ZDHHC17: variants seen among roughly 807,000 people sequenced by gnomAD.
The protein encoded by ZDHHC17 is zDHHC palmitoyltransferase 17.
Under a neutral mutation model 90.3 loss-of-function variants are expected in ZDHHC17, and 40 were observed. That is an observed-to-expected ratio of 0.44 (90% CI 0.34 to 0.58). The LOEUF (loss-of-function observed/expected upper bound fraction) is 0.58. ZDHHC17 is among the 20% of genes least tolerant of loss of function. The pLI, the probability that ZDHHC17 is intolerant of heterozygous loss-of-function variation, is 0.01. For missense variants in ZDHHC17, 614 were observed against 780.8 expected, an observed-to-expected ratio of 0.79 and a Z score of 2.55; for synonymous variants, 235 against 252.4, an observed-to-expected ratio of 0.93 and a Z score of 0.65.
intron 10 of ZDHHC17, among the ~76,000 whole-genome samples, chr12:76,834,919 CTTAAA>C (rs1249997623): frequency 2.0e-5 from 3 of 152,068 alleles, no homozygotes; most frequent in Non-Finnish European, 2.9e-5. Flanking sequence ...TAGTTTTGTT[CTTAAA>C]TTATATTGGA....
intron 1 of ZDHHC17, chr12:76,769,033 A>G (rs1316989020): frequency 2.4e-6 from 1 of 410,000 alleles, no homozygotes; most frequent in Non-Finnish European, 5.0e-6. Context: ...CACAGATTTC[A>G]TAAAATCTAC....
At chr12:76,788,297 A>G (rs570223590) in intron 1 of ZDHHC17, among the ~76,000 whole-genome samples, 1 of 152,332 alleles carries the variant, frequency 6.6e-6, no homozygotes, top group East Asian at 1.9e-4. Context: ...CACATGGTCA[A>G]TCACTTGGAC....
At chr12:76,817,587 G>A (rs555787389) in intron 7 of ZDHHC17, among the ~76,000 whole-genome samples, 1 of 152,068 alleles carries the variant, frequency 6.6e-6, no homozygotes, top group East Asian at 1.9e-4. Context: ...TATTTTTAGA[G>A]CTTTTAAAAG....
chr12:76,797,107 G>A (rs1424607824), intron 1 of ZDHHC17, among the ~76,000 whole-genome samples: 3 of 151,710 alleles, frequency 2.0e-5, no homozygotes, highest in East Asian at 1.9e-4. Context: ...AGCTAAAAAT[G>A]CAAAAAATTA....
intron 7 of ZDHHC17, among the ~76,000 whole-genome samples, chr12:76,821,667 A>G (rs938179860): frequency 6.6e-5 from 10 of 152,170 alleles, no homozygotes; most frequent in African/African-American, 2.4e-4. Flanking sequence ...GTGTCTGACT[A>G]ATTTGCAAAA....
chr12:76,828,560 T>C, intron 10 of ZDHHC17, 70 bp downstream of exon 10: 2 of 1,393,316 alleles, frequency 1.4e-6, no homozygotes, highest in Non-Finnish European at 2.0e-6. Flanking sequence ...GTTTAATAAT[T>C]TGACATTAGG....
At chr12:76,776,906 C>G (rs984258835) in intron 1 of ZDHHC17, among the ~76,000 whole-genome samples, 3 of 152,122 alleles carry the variant, frequency 2.0e-5, no homozygotes, top group African/African-American at 7.2e-5. Context: ...ATAAATTGTG[C>G]ACATTTTAAA....
intron 1 of ZDHHC17, among the ~76,000 whole-genome samples, chr12:76,797,147 T>C (rs1952829524): frequency 1.3e-5 from 2 of 151,836 alleles, no homozygotes; most frequent in Non-Finnish European, 2.9e-5. Context: ...GCCTATAGTC[T>C]CAGCTACTCA....
At position 76,822,584 on chromosome 12, in the gene ZDHHC17, C is replaced by A. The variant is rs181740492; in HGVS notation, c.897+53C>A. 27 of 1,392,054 alleles carry A rather than the reference C, an allele frequency of 1.9e-5. No individual in the cohort carries two copies. In the Admixed American group the frequency reaches 5.6e-4, roughly 29 times the overall value. The allele number at this position is 1,392,054 out of a possible 1,614,324, so 86.2% of individuals were successfully genotyped here. A position where few individuals can be genotyped will look rare whatever the true frequency, so the allele number is the denominator to read the frequency against. Reference sequence around the variant, plus strand: ...TTTTTTTTTTTTTGAGACGGAGTTTCGCTCTTGTTGCCCAGGCTGGAGTGC... The same window carrying A: ...TTTTTTTTTTTTTGAGACGGAGTTTAGCTCTTGTTGCCCAGGCTGGAGTGC... On this transcript the variant is annotated intron_variant, in intron 8 of 16. Coordinates refer to ENST00000426126, the MANE Select transcript of ZDHHC17 (RefSeq NM_015336.4).
Position 76,764,186 on chromosome 12 carries a change from T to A in ZDHHC17, c.-51T>A. On this transcript the variant is annotated 5_prime_UTR_variant, in exon 1 of 17. Transcript: ENST00000426126. ...GGCGGGGCTCGCGCTCGCCCCGCGC[T>A]CGCCCTCCGCCTCGCCCGAGCCCCG... 8.0e-7 allele frequency: 1 copy of A among 1,252,562 alleles called. No individual in the cohort carries two copies. The highest frequency in any genetic ancestry group is 1.1e-6 in the Non-Finnish European group (1 of 923,120). The allele number at this position is 1,252,562 out of a possible 1,614,324, so 77.6% of individuals were successfully genotyped here.
At chr12:76,832,214 A>G (rs1190113497) in intron 10 of ZDHHC17, among the ~76,000 whole-genome samples, 9 of 152,220 alleles carry the variant, frequency 5.9e-5, no homozygotes. Flanking sequence ...TTAGACAGGA[A>G]ATAGCCACAA....
chr12:76,798,356 C>G (rs1952848244), intron 2 of ZDHHC17, among the ~76,000 whole-genome samples: 1 of 151,996 alleles, frequency 6.6e-6, no homozygotes, highest in Non-Finnish European at 1.5e-5. Flanking sequence ...GTTGAAATAA[C>G]AACAGTTATT....
intron 1 of ZDHHC17, among the ~76,000 whole-genome samples, chr12:76,770,766 C>T (rs948480862): frequency 2.0e-5 from 3 of 151,992 alleles, no homozygotes; most frequent in East Asian, 3.9e-4. Context: ...GGAGAAACCC[C>T]GTCTCTACTA....
At chr12:76,787,880 C>A (rs138265652) in intron 1 of ZDHHC17, among the ~76,000 whole-genome samples, 1 of 152,088 alleles carries the variant, frequency 6.6e-6, no homozygotes, top group Non-Finnish European at 1.5e-5. Context: ...CATATTAGTC[C>A]GGATAAGCTA....
intron 1 of ZDHHC17, among the ~76,000 whole-genome samples, chr12:76,794,704 G>GT (rs1235785789): frequency 5.3e-5 from 8 of 152,062 alleles, no homozygotes; most frequent in African/African-American, 1.9e-4. Context: ...CTAATTTCCA[G>GT]TAACATTTTT....
chr12:76,793,681 G>C (rs1327161111), intron 1 of ZDHHC17, among the ~76,000 whole-genome samples: 1 of 152,162 alleles, frequency 6.6e-6, no homozygotes, highest in African/African-American at 2.4e-5. Flanking sequence ...GTGTACCCTA[G>C]GTAGGGGAGT....
intron 7 of ZDHHC17, 50 bp from the exon 8 acceptor site, chr12:76,822,352 AAGAT>A (rs1452653196): frequency 3.8e-6 from 6 of 1,594,312 alleles, no homozygotes; most frequent in African/African-American, 2.7e-5. Flanking sequence ...AAAGGTAACT[AAGAT>A]AGCCTGCTTT....
At chr12:76,802,421 G>T (rs1247808195) in intron 2 of ZDHHC17, among the ~76,000 whole-genome samples, 1 of 152,188 alleles carries the variant, frequency 6.6e-6, no homozygotes, top group Admixed American at 6.5e-5. Flanking sequence ...ATGTCTCAGT[G>T]TGGGTGTCTT....
chr12:76,782,736 A>C (rs1952641255), intron 1 of ZDHHC17, among the ~76,000 whole-genome samples: 1 of 152,110 alleles, frequency 6.6e-6, no homozygotes, highest in Admixed American at 6.6e-5. Flanking sequence ...AGTGATAAAC[A>C]ACAGATTTTA....
Sources: gnomAD v4.1 joint callset for allele counts (sites outside exome capture counted in the v4.1 genomes callset) on GRCh38, gnomAD v4.1.1 for gene constraint, MANE v1.5 for transcripts, NCBI Gene and HGNC (gene_info 2026-07-23, HGNC 2026-07-21) for gene names.